BLNK: variants seen among roughly 807,000 people sequenced by gnomAD.
The protein encoded by BLNK is B cell linker.
In BLNK, 29 loss-of-function variants were observed where a neutral mutation model predicts 73.5. The ratio of observed to expected loss-of-function variants is 0.39; its 90% CI spans 0.29 to 0.54. The LOEUF is 0.54. Ranked by LOEUF, BLNK falls within the 20% of genes least tolerant of loss-of-function variation. BLNK has a pLI of 0.61. For missense variants in BLNK, 460 were observed against 562.8 expected (o/e 0.82, Z 1.85); for synonymous variants, 176 against 200.8 (o/e 0.88, Z 1.04).
chr10:96,267,301 G>C (rs528990101), intron 1 of BLNK, among the ~76,000 whole-genome samples: 1 of 152,202 alleles, frequency 6.6e-6, no homozygotes, highest in South Asian at 2.1e-4. Context: ...GGAAAGAAAA[G>C]CCATATATGG....
At chr10:96,246,149 A>AT (rs1174739559) in intron 2 of BLNK, among the ~76,000 whole-genome samples, 1 of 151,370 alleles carries the variant, frequency 6.6e-6, no homozygotes, top group Non-Finnish European at 1.5e-5. Context: ...TAAAAAAAAA[A>AT]GCTTAAGAGT....
At chr10:96,207,574 T>A (rs2083850164) in intron 10 of BLNK, among the ~76,000 whole-genome samples, 1 of 152,040 alleles carries the variant, frequency 6.6e-6, no homozygotes, top group Admixed American at 6.6e-5. Context: ...TGGTGGGGAG[T>A]GGACACAGAC....
chr10:96,248,526 A>G (rs1188927044), intron 1 of BLNK, among the ~76,000 whole-genome samples: 1 of 152,232 alleles, frequency 6.6e-6, no homozygotes. Context: ...GTTACAATCA[A>G]ATCTGTCAAG....
At chr10:96,242,256 G>A (rs896689751) in intron 3 of BLNK, among the ~76,000 whole-genome samples, 9 of 152,100 alleles carry the variant, frequency 5.9e-5, no homozygotes, top group African/African-American at 1.9e-4. Context: ...CTTGCCTGCC[G>A]CCATGTAAGA....
At chr10:96,230,915 C>A in intron 3 of BLNK, 81 bp from the exon 4 acceptor site, 1 of 1,438,008 alleles carries the variant, frequency 7.0e-7, no homozygotes, top group Non-Finnish European at 9.7e-7. Context: ...ACATTTCGCA[C>A]CTGCCTTCCC....
chr10:96,205,868 T>C (rs986030197), intron 11 of BLNK, among the ~76,000 whole-genome samples: 2 of 152,252 alleles, frequency 1.3e-5, no homozygotes, highest in Non-Finnish European at 2.9e-5. Flanking sequence ...GAGGCTCTTG[T>C]AGCCATGAAG....
intron 1 of BLNK, among the ~76,000 whole-genome samples, chr10:96,257,646 A>G (rs1554911557): frequency 1.3e-5 from 2 of 152,242 alleles, no homozygotes; most frequent in East Asian, 3.8e-4. Flanking sequence ...ATTAAATACT[A>G]TTTGTATCAA....
At chr10:96,233,094 C>T (rs1842567559) in intron 3 of BLNK, among the ~76,000 whole-genome samples, 1 of 152,232 alleles carries the variant, frequency 6.6e-6, no homozygotes. Context: ...GCATAAGCCA[C>T]TGCATCTGGT....
chr10:96,197,341 G>T (rs1554894947), intron 15 of BLNK, among the ~76,000 whole-genome samples: 2 of 152,010 alleles, frequency 1.3e-5, no homozygotes, highest in African/African-American at 4.8e-5. Context: ...GTCTCACTTT[G>T]TTGCCCAGGC....
intron 4 of BLNK, among the ~76,000 whole-genome samples, chr10:96,228,524 T>C (rs1554903253): frequency 6.6e-6 from 1 of 152,176 alleles, no homozygotes; most frequent in Non-Finnish European, 1.5e-5. Flanking sequence ...CCCAAAGCGC[T>C]GAGATTACAG....
Position 96,216,680 on chromosome 10 carries a change from C to G in BLNK, c.580G>C (p.Glu194Gln), listed in dbSNP as rs1554899928. 1.9e-6 allele frequency: 3 copies of G among 1,614,122 alleles called. No individual in the cohort carries two copies. The highest frequency in any genetic ancestry group is 4.5e-5 in the East Asian group (2 of 44,892). The change falls in exon 7 of 17, where the codon GAA becomes CAA. Residue 194 changes from glutamate (E) to glutamine (Q), a missense_variant. Coordinates refer to ENST00000224337, the MANE Select transcript of BLNK (RefSeq NM_013314.4). ...DNDENYIHPTESSSPPPEKAP... is the reference protein window; with the variant it reads ...DNDENYIHPTQSSSPPPEKAP... ...TTTTCAGGTGGAGGTGAACTGCTTT[C>G]TGTGGGATGAATATAGTTTTCATCA... is the stretch of plus-strand genomic sequence containing the variant.
At chr10:96,192,197 C>A (rs1554893622) in intron 16 of BLNK, 105 bp from the exon 17 acceptor site, 13 of 1,455,528 alleles carry the variant, frequency 8.9e-6, no homozygotes, top group Middle Eastern at 4.7e-4. Context: ...AGTTATTACA[C>A]CCCAGCTGAC....
chr10:96,211,166 T>C (rs1436794520), intron 8 of BLNK, among the ~76,000 whole-genome samples: 1 of 152,222 alleles, frequency 6.6e-6, no homozygotes, highest in Non-Finnish European at 1.5e-5. Flanking sequence ...GCCTGGCCTA[T>C]AATTCCTAAT....
intron 3 of BLNK, among the ~76,000 whole-genome samples, chr10:96,231,439 G>A (rs137912234): frequency 1.9e-4 from 29 of 152,178 alleles, no homozygotes; most frequent in African/African-American, 5.3e-4. Context: ...GGGGCTGGGC[G>A]TTGGGGCTTA....
intron 2 of BLNK, among the ~76,000 whole-genome samples, chr10:96,244,851 T>C (rs1842992157): frequency 6.6e-6 from 1 of 152,144 alleles, no homozygotes; most frequent in African/African-American, 2.4e-5. Context: ...AGACATTTTA[T>C]GCAGAGGCTT....
intron 13 of BLNK, among the ~76,000 whole-genome samples, chr10:96,202,487 C>A (rs1157462910): frequency 4.6e-5 from 7 of 152,294 alleles, no homozygotes; most frequent in African/African-American, 1.7e-4. Flanking sequence ...AGGTTTTTGA[C>A]AACAGCAACC....
chr10:96,230,047 T>G (rs1323808384), intron 4 of BLNK, among the ~76,000 whole-genome samples: 1 of 152,184 alleles, frequency 6.6e-6, no homozygotes, highest in South Asian at 2.1e-4. Context: ...CTTCCAGATC[T>G]AAAACTCACA....
chr10:96,243,678 C>T (rs984149539), intron 2 of BLNK, among the ~76,000 whole-genome samples: 2 of 152,046 alleles, frequency 1.3e-5, no homozygotes, highest in Admixed American at 6.6e-5. Context: ...TGCTTTAGTA[C>T]CTTTATGCAC....
At chr10:96,270,107 C>A (rs1844205728) in intron 1 of BLNK, among the ~76,000 whole-genome samples, 1 of 152,202 alleles carries the variant, frequency 6.6e-6, no homozygotes, top group Admixed American at 6.5e-5. Flanking sequence ...GAGGTGCCTT[C>A]TTGTCCCGTC....
Sources: allele counts gnomAD v4.1 joint callset (sites outside exome capture counted in the v4.1 genomes callset), GRCh38; gene constraint gnomAD v4.1.1; transcripts MANE v1.5; gene names NCBI Gene and HGNC (gene_info 2026-07-23, HGNC 2026-07-21).